Variants in TOP1 observed in about 807,000 individuals in gnomAD.
The protein encoded by TOP1 is DNA topoisomerase I, also known as DNA topoisomerase 1.
TOP1 carries 10 observed loss-of-function variants against 111.1 expected under a neutral mutation model. That is an observed-to-expected ratio of 0.09 (90% CI 0.06 to 0.15). The LOEUF (loss-of-function observed/expected upper bound fraction) is 0.15. TOP1 is among the 10% of genes least tolerant of loss of function. TOP1 has a pLI of 1.00. For synonymous variants in TOP1, 271 were observed against 302.9 expected, an observed-to-expected ratio of 0.89 and a Z score of 1.10; for missense variants, 474 against 926.7, an observed-to-expected ratio of 0.51 and a Z score of 6.34.
Position 41,115,546 on chromosome 20 carries a change from C to A in TOP1, c.1707+107C>A. 1 of 802,130 alleles carries A rather than the reference C, an allele frequency of 1.2e-6. No individual in the cohort carries two copies. The highest frequency in any genetic ancestry group is 2.5e-5 in the East Asian group (1 of 39,626). The allele number at this position is 802,130 out of a possible 1,614,324, so 49.7% of individuals were successfully genotyped here. ...GACTTGGGCTCTCCCTTTAGCCTGGCCTGCTCTGTGGCATCCCATACACTC... is the reference window on the plus strand; with the variant it reads ...GACTTGGGCTCTCCCTTTAGCCTGGACTGCTCTGTGGCATCCCATACACTC... On this transcript the variant is annotated intron_variant, in intron 16 of 20. Transcript: ENST00000361337. This position sits in a 1 kb window ranked among gnomAD's most constrained non-coding sequence, Gnocchi z 6.3.
At chr20:41,075,847 T>C (rs766971315) in intron 3 of TOP1, among the ~76,000 whole-genome samples, 2 of 152,226 alleles carry the variant, frequency 1.3e-5, no homozygotes, top group African/African-American at 4.8e-5. Flanking sequence ...ACATCAGATA[T>C]GAATGCTGAA....
intron 2 of TOP1, among the ~76,000 whole-genome samples, chr20:41,054,822 A>G (rs534585672): frequency 2.0e-5 from 3 of 152,246 alleles, no homozygotes; most frequent in African/African-American, 7.2e-5. Flanking sequence ...TAGGAAAAGG[A>G]TTTCTTTTTT....
chr20:41,098,149 A>G lies in TOP1; in HGVS notation c.853-66A>G, dbSNP rs2034008214. On this transcript the variant is annotated intron_variant, in intron 10 of 20. Transcript: ENST00000361337. This position sits in a 1 kb window ranked among gnomAD's most constrained non-coding sequence, Gnocchi z 5.7. ...ATGGTGCTTGGGTGTATTTGCAAAG[A>G]AACCCAAGGACTTATTAGTGTATTT... is the stretch of plus-strand genomic sequence containing the variant. 1.8e-5 allele frequency: 28 copies of G among 1,554,678 alleles called. 1 individual carries two copies. The highest frequency in any genetic ancestry group is 3.4e-5 in the South Asian group (3 of 88,288).
intron 18 of TOP1, among the ~76,000 whole-genome samples, chr20:41,120,559 GAGA>G (rs1201564847): frequency 6.6e-6 from 1 of 152,226 alleles, no homozygotes; most frequent in Non-Finnish European, 1.5e-5. Context: ...GCAGGAATCT[GAGA>G]AGAACTTAGA....
At chr20:41,105,161 A>AT (rs2034126249) in intron 13 of TOP1, among the ~76,000 whole-genome samples, 1 of 152,006 alleles carries the variant, frequency 6.6e-6, no homozygotes, top group African/African-American at 2.4e-5. Context: ...TCTCATACAT[A>AT]TTTTTTGTAT....
intron 13 of TOP1, among the ~76,000 whole-genome samples, chr20:41,107,315 T>C (rs932488100): frequency 6.6e-6 from 1 of 152,196 alleles, no homozygotes; most frequent in African/African-American, 2.4e-5. Context: ...CTTTTGTACT[T>C]CTTTTTTAGA....
chr20:41,068,354 C>T (rs1002269335), intron 3 of TOP1, among the ~76,000 whole-genome samples: 6 of 152,220 alleles, frequency 3.9e-5, no homozygotes, highest in Non-Finnish European at 5.9e-5. Context: ...TCAGTCATCA[C>T]TTATCTCTTG....
chr20:41,090,452 ACT>A (rs1226210824), intron 8 of TOP1, among the ~76,000 whole-genome samples: 1 of 151,900 alleles, frequency 6.6e-6, no homozygotes, highest in Non-Finnish European at 1.5e-5. Context: ...GTTGTCTTTC[ACT>A]CTCTTGAAGT....
chr20:41,077,948 ATTT>A (rs57349578), intron 5 of TOP1, among the ~76,000 whole-genome samples: 20,115 of 129,418 alleles, frequency 0.16, 1,410 homozygotes, highest in Non-Finnish European at 0.17. Flanking sequence ...ACAGTGTACC[ATTT>A]TTTTTTTTTT....
intron 2 of TOP1, among the ~76,000 whole-genome samples, chr20:41,054,921 T>A (rs1467281234): frequency 6.6e-6 from 1 of 152,204 alleles, no homozygotes; most frequent in Non-Finnish European, 1.5e-5. Context: ...AGAGACACTT[T>A]CCTTTTGTCT....
intron 2 of TOP1, among the ~76,000 whole-genome samples, chr20:41,051,320 A>C (rs2033403098): frequency 6.6e-6 from 1 of 152,196 alleles, no homozygotes; most frequent in African/African-American, 2.4e-5. Flanking sequence ...AAAACATGGC[A>C]AAGAGTCTCC....
At chr20:41,105,779 G>C (rs1410617161) in intron 13 of TOP1, among the ~76,000 whole-genome samples, 3 of 152,196 alleles carry the variant, frequency 2.0e-5, no homozygotes, top group Non-Finnish European at 4.4e-5. Context: ...ACAGGTGTTA[G>C]CCACCATACC....
chr20:41,094,596 C>T lies in TOP1; in HGVS notation c.730+2009C>T, dbSNP rs1408892654. 1.3e-5 allele frequency among the ~76,000 whole-genome samples: 2 copies of T among 152,174 alleles called. No individual in the cohort carries two copies. Among genetic ancestry groups the T allele is most frequent in the African/African-American group, 4.8e-5 (2 of 41,462 alleles). Reference sequence around the variant, plus strand: ...TCCTTTACAGGATCCTGCTTTAGGGCTCCAGCATTTTCTCAGCTGGTCCTC... The same window carrying T: ...TCCTTTACAGGATCCTGCTTTAGGGTTCCAGCATTTTCTCAGCTGGTCCTC... On this transcript the variant is annotated intron_variant, in intron 9 of 20. Coordinates refer to ENST00000361337, the MANE Select transcript of TOP1 (RefSeq NM_003286.4). This position sits in a 1 kb window ranked among gnomAD's most constrained non-coding sequence, Gnocchi z 4.4.
Position 41,029,536 on chromosome 20 carries a change from G to T in TOP1, c.58+81G>T, listed in dbSNP as rs1316367067. ...CGCGCCCTGCCGGTGCCGGGCAGAG[G>T]ACAGACATGGCGTCCCAGAGACTAA... is the stretch of plus-strand genomic sequence containing the variant. On this transcript the variant is annotated intron_variant, in intron 2 of 20. Coordinates refer to ENST00000361337, the MANE Select transcript of TOP1 (RefSeq NM_003286.4). This position sits in a 1 kb window ranked among gnomAD's most constrained non-coding sequence, Gnocchi z 6.1. The T allele has an allele frequency of 2.6e-6, 3 of 1,133,678 alleles. No homozygotes were observed. The highest frequency in any genetic ancestry group is 3.9e-6 in the Non-Finnish European group (3 of 772,776). 70.2% of individuals were successfully genotyped at this position (1,133,678 alleles called of 1,614,324 possible).
rs761127035 is a variant in TOP1, at chr20:41,029,447, G to T, written c.50G>T (p.Arg17Leu). 11 of 1,502,490 alleles carry T rather than the reference G, an allele frequency of 7.3e-6. No homozygotes were observed. The highest frequency in any genetic ancestry group is 1.3e-5 in the South Asian group (1 of 79,090). 93.1% of individuals were successfully genotyped at this position (1,502,490 alleles called of 1,614,324 possible). The change falls in exon 2 of 21, where the codon CGA becomes CTA. Residue 17 changes from arginine to leucine, a missense_variant. Physicochemically the swap from Arg to Leu is moderately radical, Grantham distance 102 (BLOSUM62 -2). Coordinates refer to ENST00000361337, the MANE Select transcript of TOP1 (RefSeq NM_003286.4). The surrounding 1 kb of genome is among the most constrained non-coding windows in gnomAD (Gnocchi z 6.1). ...HNDSQIEADFRLNDSHKHKDK... is the reference protein window; with the variant it reads ...HNDSQIEADFLLNDSHKHKDK... ...TTTTTCCAGATCGAAGCGGATTTCC[G>T]ATTGAATGGTGAGTGTGCCCCCTGC...
At chr20:41,081,378 T>C in intron 7 of TOP1, 138 bp downstream of exon 7, 1 of 1,040,778 alleles carries the variant, frequency 9.6e-7, no homozygotes, top group South Asian at 1.9e-5. Context: ...TAATAAGTGG[T>C]GGCTGTGGCA....
chr20:41,077,168 C>G (rs887898465), intron 4 of TOP1, among the ~76,000 whole-genome samples: 1 of 152,204 alleles, frequency 6.6e-6, no homozygotes, highest in Non-Finnish European at 1.5e-5. Context: ...AGTCCTCCAA[C>G]CTCATCTTCC....
At chr20:41,040,757 G>A (rs956987502) in intron 2 of TOP1, among the ~76,000 whole-genome samples, 2 of 136,738 alleles carry the variant, frequency 1.5e-5, no homozygotes, top group Non-Finnish European at 3.0e-5. Flanking sequence ...AATGAGCCGA[G>A]ATGGCACCAC....
intron 13 of TOP1, among the ~76,000 whole-genome samples, chr20:41,108,812 TAGG>T (rs1386553004): frequency 3.3e-5 from 5 of 152,144 alleles, no homozygotes; most frequent in African/African-American, 1.2e-4. Context: ...CTGCATAATC[TAGG>T]AGTTTACAAA....
Sources: gnomAD v4.1 joint callset for allele counts (sites outside exome capture counted in the v4.1 genomes callset) on GRCh38, gnomAD v4.1.1 for gene constraint, Gnocchi (gnomAD v3.1) non-coding constraint, MANE v1.5 for transcripts, NCBI Gene and HGNC (gene_info 2026-07-23, HGNC 2026-07-21) for gene names.